CPT1A: variants seen among roughly 807,000 people sequenced by gnomAD.
CPT1A encodes the protein carnitine palmitoyltransferase 1A.
A neutral mutation model predicts 100.8 loss-of-function variants in CPT1A; 64 were observed. That is an observed-to-expected ratio of 0.63 (90% confidence interval 0.52 to 0.78). The LOEUF is 0.78. Among genes scored for constraint, CPT1A ranks in the 30% least tolerant of loss-of-function variants. The pLI is 0.00. For synonymous variants in CPT1A, 363 were observed against 396.0 expected (o/e 0.92, Z 0.99); for missense variants, 802 against 1,034.1 (o/e 0.78, Z 3.08).
chr11:68,799,452 A>G lies in CPT1A; in HGVS notation c.556-97T>C, dbSNP rs560503890. The G allele has an allele frequency of 3.4e-5, 47 of 1,388,628 alleles. No individual in the cohort carries two copies. In the East Asian group the frequency reaches 1.0e-3, roughly 30 times the overall value. 86.0% of individuals were successfully genotyped at this position (1,388,628 alleles called of 1,614,324 possible). On this transcript the variant is annotated intron_variant, in intron 5 of 18. Coordinates refer to ENST00000265641, the MANE Select transcript of CPT1A (RefSeq NM_001876.4). ...TGTGCCTTAGGAAAAGTTCTAACAC[A>G]TTGAAAAGGTTTTAGGCTGGGCATG...
intron 5 of CPT1A, among the ~76,000 whole-genome samples, chr11:68,802,928 A>G (rs1409172764): frequency 6.6e-6 from 1 of 150,950 alleles, no homozygotes; most frequent in Admixed American, 6.6e-5. Context: ...AAAGAAAATG[A>G]AAAAGAAATG....
intron 14 of CPT1A, among the ~76,000 whole-genome samples, chr11:68,768,847 T>C (rs1854901943): frequency 6.6e-6 from 1 of 152,210 alleles, no homozygotes; most frequent in Non-Finnish European, 1.5e-5. Context: ...CTCCCAGTCC[T>C]GCCATGGGGC....
intron 14 of CPT1A, among the ~76,000 whole-genome samples, chr11:68,767,947 C>T (rs1299925926): frequency 1.3e-5 from 2 of 152,046 alleles, no homozygotes; most frequent in Non-Finnish European, 2.9e-5. Flanking sequence ...ATACTGAAGC[C>T]CTCAAAACCA....
intron 13 of CPT1A, 160 bp from the exon 14 acceptor site, chr11:68,773,589 C>G: frequency 7.5e-7 from 1 of 1,331,552 alleles, no homozygotes; most frequent in South Asian, 1.3e-5. Flanking sequence ...AAGTTAGGGG[C>G]ATGGCTCCCT....
chr11:68,842,251 C>T (rs191082983), upstream of CPT1A, among the ~76,000 whole-genome samples: 49 of 152,220 alleles, frequency 3.2e-4, 1 homozygote, highest in African/African-American at 1.2e-3. Context: ...GGTATTCACC[C>T]CTGACTCTTT....
At chr11:68,768,093 T>TTTTTTTC (rs1854868519) in intron 14 of CPT1A, among the ~76,000 whole-genome samples, 1 of 144,370 alleles carries the variant, frequency 6.9e-6, no homozygotes, top group African/African-American at 2.6e-5. Context: ...TTTTTTTTTT[T>TTTTTTTC]GAGAGGGAGT....
chr11:68,841,966 C>G, upstream of CPT1A: 1 of 985,166 alleles, frequency 1.0e-6, no homozygotes, highest in Non-Finnish European at 1.2e-6. This position sits in a 1 kb window ranked among gnomAD's most constrained non-coding sequence, Gnocchi z 6.3. Flanking sequence ...ACTCCCGGCG[C>G]GCGGAGGGCG....
At chr11:68,821,530 TCCAC>T (rs1399377313) in intron 1 of CPT1A, among the ~76,000 whole-genome samples, 3 of 152,170 alleles carry the variant, frequency 2.0e-5, no homozygotes, top group Non-Finnish European at 4.4e-5. Context: ...CTTTAGGTGA[TCCAC>T]CCACCTCGGC....
At chr11:68,803,913 G>T in intron 5 of CPT1A, 87 bp downstream of exon 5, 1 of 1,046,690 alleles carries the variant, frequency 9.6e-7, no homozygotes, top group Non-Finnish European at 1.5e-6. Context: ...TGAGCCAAAT[G>T]GCGGTGACCT....
intron 12 of CPT1A, among the ~76,000 whole-genome samples, chr11:68,776,944 G>A (rs935862290): frequency 1.6e-4 from 24 of 152,152 alleles, no homozygotes; most frequent in Admixed American, 1.6e-3. Flanking sequence ...TTCTAGTGAG[G>A]GAGGTAAAAA....
chr11:68,804,105 AAG>A lies in CPT1A; in HGVS notation c.454-6_454-5del, dbSNP rs755341667. ...CTGAAAAGATCTTGACCATACCCTGAAGAGAGAGAATTATATTTTCAGACTAC... is the reference window on the plus strand; with the variant it reads ...CTGAAAAGATCTTGACCATACCCTGAAGAGAGAATTATATTTTCAGACTAC... On this transcript the variant is annotated splice_region_variant and splice_polypyrimidine_tract_variant and intron_variant, in intron 4 of 18. Coordinates refer to ENST00000265641, the MANE Select transcript of CPT1A (RefSeq NM_001876.4). The A allele has an allele frequency of 2.5e-6, 4 of 1,608,030 alleles. No individual in the cohort carries two copies. The East Asian group carries it at 8.9e-5, about 36-fold the overall frequency.
chr11:68,811,351 G>A (rs529710173), intron 3 of CPT1A, among the ~76,000 whole-genome samples: 12 of 152,288 alleles, frequency 7.9e-5, no homozygotes, highest in Non-Finnish European at 1.5e-4. Context: ...CGAATCAAAC[G>A]TCTGGCACGG....
intron 1 of CPT1A, among the ~76,000 whole-genome samples, chr11:68,824,180 G>A (rs1326096472): frequency 9.4e-5 from 14 of 149,128 alleles, no homozygotes; most frequent in South Asian, 2.1e-4. Flanking sequence ...CCTGGGAGGC[G>A]GAGGTTGCAG....
chr11:68,805,312 G>A (rs913891545), intron 4 of CPT1A, among the ~76,000 whole-genome samples: 9 of 152,022 alleles, frequency 5.9e-5, no homozygotes, highest in Admixed American at 3.3e-4. Flanking sequence ...TTAGCTGGGC[G>A]TGGTGGTGTG....
intron 1 of CPT1A, among the ~76,000 whole-genome samples, chr11:68,824,204 G>C (rs1271832960): frequency 2.0e-5 from 3 of 147,872 alleles, no homozygotes; most frequent in Non-Finnish European, 3.0e-5. Flanking sequence ...GCTGAGATCG[G>C]GCCACTGCAC....
In CPT1A at chr11:68,773,361, G is replaced by A. The variant is rs775058970; in HGVS notation, c.1644C>T (p.Ser548=). 13 of 1,614,098 alleles carry A rather than the reference G, an allele frequency of 8.1e-6. No homozygotes were observed. The Admixed American group carries it at 2.0e-4, about 25-fold the overall frequency. ...CTTTACCAAAGGCTACGAATGGGAA[G>A]GAATGGAAATCCACGTCGTTTGCCA... ...NLLANDVDFH[S]FPFVAFGKGI... Residue 548 remains serine (S), a synonymous_variant, in exon 14 of 19, where the codon TCC becomes TCT. Transcript: ENST00000265641.
chr11:68,815,584 T>C, intron 1 of CPT1A, 97 bp from the exon 2 acceptor site: 1 of 1,189,206 alleles, frequency 8.4e-7, no homozygotes. Context: ...ACTTAAGTTC[T>C]TCCTCGCCAC....
rs148236390 is a variant in CPT1A, at chr11:68,811,416, G to C, written c.281+1021C>G. ...GAGCTTTCAGACCCGAAAGTAAAAT[G>C]TGTGTCCAAGCCCAAGGGTCACGGC... On this transcript the variant is annotated intron_variant, in intron 3 of 18. Coordinates refer to ENST00000265641, the MANE Select transcript of CPT1A (RefSeq NM_001876.4). Among the ~76,000 whole-genome samples, 581 of 152,318 alleles carry C rather than the reference G, an allele frequency of 3.8e-3. 5 individuals are homozygous for C. The highest frequency in any genetic ancestry group is 0.013 in the African/African-American group (528 of 41,556).
rs1299244850 is a variant in CPT1A at position 68,807,436 on chromosome 11, C to T, written c.453+31G>A. On this transcript the variant is annotated intron_variant, in intron 4 of 18. Coordinates refer to ENST00000265641, the MANE Select transcript of CPT1A (RefSeq NM_001876.4). Reference sequence around the variant, plus strand: ...TCTTCCCAAAGCCCAAACTGTCCACCCCCTCCACAGCCAGAGGGACACGCA... The same window carrying T: ...TCTTCCCAAAGCCCAAACTGTCCACTCCCTCCACAGCCAGAGGGACACGCA... The T allele has an allele frequency of 5.0e-6, 8 of 1,606,202 alleles. No homozygotes were observed. The African/African-American group carries it at 8.0e-5, about 16-fold the overall frequency.
Sources: gnomAD v4.1 joint callset for allele counts (sites outside exome capture counted in the v4.1 genomes callset) on GRCh38, gnomAD v4.1.1 for gene constraint, Gnocchi (gnomAD v3.1) non-coding constraint, MANE v1.5 for transcripts, NCBI Gene and HGNC (gene_info 2026-07-23, HGNC 2026-07-21) for gene names.